KLF12: variants seen among roughly 807,000 people sequenced by gnomAD.
KLF12 encodes the protein Krueppel-like factor 12.
Under a neutral mutation model 37.8 loss-of-function variants are expected in KLF12, and 9 were observed. The ratio of observed to expected loss-of-function variants is 0.24; its 90% CI spans 0.14 to 0.42. The LOEUF is 0.42. Among genes scored for constraint, KLF12 ranks in the 10% least tolerant of loss-of-function variants. The pLI is 1.00. For missense variants in KLF12, 411 were observed against 516.0 expected, an observed-to-expected ratio of 0.80 and a Z score of 1.97; for synonymous variants, 208 against 202.1, an observed-to-expected ratio of 1.03 and a Z score of -0.25.
the KLF12 span, among the ~76,000 whole-genome samples, chr13:74,241,442 C>T: frequency 6.6e-6 from 1 of 152,328 alleles, no homozygotes; most frequent in East Asian, 1.9e-4. Context: ...CAGAGGCAGG[C>T]AGGCCTCCTT....
chr13:73,837,410 A>G (rs1884494401), intron 4 of KLF12, among the ~76,000 whole-genome samples: 2 of 152,176 alleles, frequency 1.3e-5, no homozygotes, highest in Non-Finnish European at 2.9e-5. Context: ...CAATTTTTTG[A>G]TGGAATCTAT....
At chr13:74,077,566 C>T (rs1304171848) in intron 1 of KLF12, among the ~76,000 whole-genome samples, 1 of 152,032 alleles carries the variant, frequency 6.6e-6, no homozygotes, top group Non-Finnish European at 1.5e-5. Context: ...GCAAGAAGTC[C>T]CAAATCCTAG....
rs376153739 is a variant in KLF12, at chr13:73,781,590, T to C, written c.807-16590A>G. 3.3e-4 allele frequency among the ~76,000 whole-genome samples: 50 copies of C among 152,314 alleles called. No homozygotes were observed. In the East Asian group the frequency reaches 5.8e-3, roughly 18 times the overall value. On this transcript the variant is annotated intron_variant, in intron 5 of 7. Transcript: ENST00000377669. ...GTTTGCTTAAATTTGTAGTCCCTGA[T>C]TGAATACAGATGTTATGCAAAATAG...
chr13:74,182,013 C>T, the KLF12 span, among the ~76,000 whole-genome samples: 1 of 151,980 alleles, frequency 6.6e-6, no homozygotes, highest in African/African-American at 2.4e-5. Context: ...AGATACATAG[C>T]AAAAAATTCA....
chr13:73,815,137 T>G (rs896786425), intron 4 of KLF12, among the ~76,000 whole-genome samples: 7 of 152,184 alleles, frequency 4.6e-5, no homozygotes. Context: ...AATATTTTCT[T>G]TGTACCACCA....
chr13:74,279,431 A>C, the KLF12 span, among the ~76,000 whole-genome samples: 1 of 152,184 alleles, frequency 6.6e-6, no homozygotes, highest in Non-Finnish European at 1.5e-5. Flanking sequence ...AGTGTGGTTT[A>C]ACTTTTGGTG....
At chr13:74,264,099 G>A in the KLF12 span, among the ~76,000 whole-genome samples, 1 of 152,126 alleles carries the variant, frequency 6.6e-6, no homozygotes, top group Non-Finnish European at 1.5e-5. Context: ...GACAGACTGT[G>A]GTAAGCAATG....
intron 1 of KLF12, among the ~76,000 whole-genome samples, chr13:74,006,605 A>G (rs1486102261): frequency 1.3e-5 from 2 of 152,216 alleles, no homozygotes; most frequent in Non-Finnish European, 2.9e-5. Flanking sequence ...CTTACCATCT[A>G]GGGAAGGAGA....
chr13:73,764,003 C>T (rs777962224), intron 6 of KLF12, among the ~76,000 whole-genome samples: 10 of 151,982 alleles, frequency 6.6e-5, no homozygotes, highest in Non-Finnish European at 1.5e-4. Context: ...GATTCAAATT[C>T]AAAGTGTCAT....
At chr13:74,288,241 T>C in the KLF12 span, among the ~76,000 whole-genome samples, 2 of 152,134 alleles carry the variant, frequency 1.3e-5, no homozygotes, top group Non-Finnish European at 2.9e-5. Context: ...GGAAGGCAAA[T>C]AATTAAATTA....
At chr13:74,286,759 G>A in the KLF12 span, among the ~76,000 whole-genome samples, 1 of 152,204 alleles carries the variant, frequency 6.6e-6, no homozygotes, top group African/African-American at 2.4e-5. Context: ...TGTAAGCAGA[G>A]ATCTTCATCA....
intron 4 of KLF12, among the ~76,000 whole-genome samples, chr13:73,834,393 T>C (rs1884318806): frequency 6.6e-6 from 1 of 152,250 alleles, no homozygotes; most frequent in African/African-American, 2.4e-5. Flanking sequence ...ATCTGATGAA[T>C]TCTCCAAGGG....
chr13:74,069,720 G>C (rs1874117219), intron 1 of KLF12, among the ~76,000 whole-genome samples: 1 of 152,028 alleles, frequency 6.6e-6, no homozygotes, highest in African/African-American at 2.4e-5. Context: ...TACAAAAATA[G>C]TCCAATAAAA....
chr13:73,837,272 A>G (rs1416952185), intron 4 of KLF12, among the ~76,000 whole-genome samples: 1 of 152,160 alleles, frequency 6.6e-6, no homozygotes, highest in East Asian at 1.9e-4. Context: ...AGAACAATAC[A>G]GACAGCTTCT....
chr13:74,071,844 C>G (rs1044156827), intron 1 of KLF12, among the ~76,000 whole-genome samples: 1 of 152,180 alleles, frequency 6.6e-6, no homozygotes, highest in Non-Finnish European at 1.5e-5. Flanking sequence ...GGTCATGGGT[C>G]TGACTGTGTA....
the KLF12 span, among the ~76,000 whole-genome samples, chr13:74,184,130 C>T: frequency 6.6e-6 from 1 of 152,056 alleles, no homozygotes; most frequent in African/African-American, 2.4e-5. Flanking sequence ...TTCACATGAT[C>T]CCTGAGTGAC....
intron 6 of KLF12, among the ~76,000 whole-genome samples, chr13:73,763,287 G>A (rs1412244476): frequency 6.6e-6 from 1 of 152,036 alleles, no homozygotes; most frequent in Non-Finnish European, 1.5e-5. Context: ...TCGTATATGT[G>A]CCTGTGTATG....
chr13:74,154,092 G>A, the KLF12 span, among the ~76,000 whole-genome samples: 1 of 151,326 alleles, frequency 6.6e-6, no homozygotes, highest in African/African-American at 2.4e-5. Flanking sequence ...AAAATTAGCT[G>A]GGCATGGTGG....
chr13:73,740,222 G>C (rs1877871952), intron 6 of KLF12, among the ~76,000 whole-genome samples: 1 of 152,168 alleles, frequency 6.6e-6, no homozygotes. Context: ...TATAAAAGAG[G>C]CTCCAGAGAG....
Sources: gnomAD v4.1 joint callset for allele counts (sites outside exome capture counted in the v4.1 genomes callset) on GRCh38, gnomAD v4.1.1 for gene constraint, MANE v1.5 for transcripts, NCBI Gene and HGNC (gene_info 2026-07-23, HGNC 2026-07-21) for gene names.